Variants in STK40 observed in about 807,000 individuals in gnomAD.
STK40 encodes the protein serine/threonine kinase 40.
A neutral mutation model predicts 47.9 loss-of-function variants in STK40; 13 were observed. The ratio of observed to expected loss-of-function variants is 0.27; its 90% CI spans 0.18 to 0.43. The LOEUF is 0.43. Ranked by LOEUF, STK40 falls within the 20% of genes least tolerant of loss-of-function variation. The probability of loss-of-function intolerance (pLI) is 1.00; values close to 1 mark genes in which losing one functional copy is unlikely to be tolerated. For missense variants in STK40, 460 were observed against 595.1 expected, an observed-to-expected ratio of 0.77 and a Z score of 2.36; for synonymous variants, 225 against 243.2, an observed-to-expected ratio of 0.93 and a Z score of 0.69.
In STK40 at chr1:36,343,884, G is replaced by A. The variant is rs1204102843; in HGVS notation, c.980C>T (p.Ala327Val). The A allele has an allele frequency of 1.2e-6, 2 of 1,603,724 alleles. No individual in the cohort carries two copies. The highest frequency in any genetic ancestry group is 1.7e-6 in the Non-Finnish European group (2 of 1,172,562). Residue 327 changes from alanine to valine, a missense_variant, in exon 9 of 11, where the codon GCC becomes GTC. This residue lies in a region of STK40 where 181 missense variants were observed against 218.9 expected (regional missense o/e 0.83). Coordinates refer to ENST00000373132, the MANE Select transcript of STK40 (RefSeq NM_001282547.2). ...CCATGATGCAATGATGGCACTGAGG[G>A]CCTCCAGGACGTCGGCGGCGGCCAG... is the stretch of plus-strand genomic sequence containing the variant. ...QRLAAADVLE[A>V]LSAIIASWQS...
chr1:36,365,485 C>A (rs113410493), intron 1 of STK40, among the ~76,000 whole-genome samples: 23 of 152,362 alleles, frequency 1.5e-4, no homozygotes, highest in African/African-American at 5.5e-4. Context: ...CCCCAACAGT[C>A]CCCAGATGGA....
chr1:36,343,471 G>C, intron 9 of STK40, 23 bp from the exon 10 acceptor site: 1 of 1,606,064 alleles, frequency 6.2e-7, no homozygotes, highest in Non-Finnish European at 8.5e-7. Context: ...AGACAGGTCA[G>C]GCTGGCCCCA....
At chr1:36,370,440 GC>G (rs1646935543) in intron 1 of STK40, among the ~76,000 whole-genome samples, 3 of 152,184 alleles carry the variant, frequency 2.0e-5, no homozygotes, top group Admixed American at 1.3e-4. Flanking sequence ...CCAACCACTT[GC>G]GCTTCTCTGA....
At chr1:36,372,000 AAAAG>A (rs1288721815) in intron 1 of STK40, among the ~76,000 whole-genome samples, 3 of 152,186 alleles carry the variant, frequency 2.0e-5, no homozygotes, top group South Asian at 2.1e-4. Context: ...CCGTCTCAAA[AAAAG>A]AAAGAAAGAA....
chr1:36,359,647 C>T (rs984439974), intron 2 of STK40, among the ~76,000 whole-genome samples: 6 of 152,218 alleles, frequency 3.9e-5, no homozygotes, highest in African/African-American at 7.2e-5. Context: ...GCCACTGCTG[C>T]GTGAAAAACT....
chr1:36,351,991 A>T (rs1254654999), intron 6 of STK40, among the ~76,000 whole-genome samples: 1 of 152,212 alleles, frequency 6.6e-6, no homozygotes, highest in Non-Finnish European at 1.5e-5. Flanking sequence ...GTGAACAGTA[A>T]GCCTGTAGTC....
intron 4 of STK40, among the ~76,000 whole-genome samples, chr1:36,356,292 A>C (rs2124734958): frequency 6.6e-6 from 1 of 152,298 alleles, no homozygotes; most frequent in African/African-American, 2.4e-5. Flanking sequence ...AGGTATTTCG[A>C]GTAAGACAAA....
At chr1:36,363,259 G>A (rs1009983669) in intron 1 of STK40, among the ~76,000 whole-genome samples, 52 of 151,982 alleles carry the variant, frequency 3.4e-4, no homozygotes, top group Admixed American at 1.7e-3. Flanking sequence ...CTGAGATGGC[G>A]CCATTGTACT....
At chr1:36,377,629 G>A (rs907671918) in intron 1 of STK40, among the ~76,000 whole-genome samples, 3 of 151,920 alleles carry the variant, frequency 2.0e-5, no homozygotes, top group Non-Finnish European at 4.4e-5. Context: ...GGGAAGAGGT[G>A]TAAGCATAAG....
chr1:36,373,504 G>A (rs1437640926), intron 1 of STK40, among the ~76,000 whole-genome samples: 2 of 152,158 alleles, frequency 1.3e-5, no homozygotes, highest in Non-Finnish European at 2.9e-5. Context: ...AGCCATCCCT[G>A]AAGAAGGCAT....
At chr1:36,342,063 C>A in intron 10 of STK40, 90 bp from the exon 11 acceptor site, 2 of 1,251,250 alleles carry the variant, frequency 1.6e-6, no homozygotes, top group Admixed American at 2.1e-5. Flanking sequence ...GTGCTGGCAG[C>A]CTGGCTCCTG....
In STK40 at chr1:36,364,029, T is replaced by C. The variant is rs1187530867; in HGVS notation, c.-8-2689A>G. On this transcript the variant is annotated intron_variant, in intron 1 of 10. Transcript: ENST00000373132. ...AGCCGGGTGTGGTGGTGGGCACCTG[T>C]AGTCCCAGCTACTCGGGAGGCTGAG... Among the ~76,000 whole-genome samples the C allele has an allele frequency of 4.0e-5, 6 of 151,052 alleles. No individual in the cohort carries two copies. In the South Asian group the frequency reaches 1.0e-3, roughly 26 times the overall value.
intron 3 of STK40, 109 bp from the exon 4 acceptor site, chr1:36,358,491 C>CACA: frequency 7.0e-7 from 1 of 1,419,106 alleles, no homozygotes; most frequent in Non-Finnish European, 9.5e-7. Context: ...CATTTGTGCA[C>CACA]AATGCACACA....
intron 1 of STK40, among the ~76,000 whole-genome samples, chr1:36,374,412 C>T (rs77415398): frequency 0.043 from 6,526 of 152,262 alleles, 458 homozygotes; most frequent in African/African-American, 0.15. Context: ...GGAAAAAATA[C>T]ATGGAGTTAG....
At chr1:36,364,996 T>C (rs1417913705) in intron 1 of STK40, among the ~76,000 whole-genome samples, 1 of 149,104 alleles carries the variant, frequency 6.7e-6, no homozygotes, top group African/African-American at 2.5e-5. Flanking sequence ...TTCTTTTTTT[T>C]TTTTTTTTTT....
chr1:36,351,521 G>C (rs928387983), intron 6 of STK40, among the ~76,000 whole-genome samples: 1 of 152,164 alleles, frequency 6.6e-6, no homozygotes, highest in Non-Finnish European at 1.5e-5. Flanking sequence ...TGCCACTCTG[G>C]AGCGCCCATG....
chr1:36,384,512 T>C (rs1367285499), intron 1 of STK40, among the ~76,000 whole-genome samples: 2 of 152,350 alleles, frequency 1.3e-5, no homozygotes, highest in East Asian at 1.9e-4. Context: ...TCTGTTATCA[T>C]CCTTGTTTTA....
intron 1 of STK40, among the ~76,000 whole-genome samples, chr1:36,384,649 G>A (rs1177739574): frequency 6.6e-6 from 1 of 152,238 alleles, no homozygotes; most frequent in Non-Finnish European, 1.5e-5. Flanking sequence ...CCACTATGCT[G>A]TCTAGCACTT....
chr1:36,345,808 G>C (rs947158272), intron 7 of STK40, among the ~76,000 whole-genome samples: 3 of 151,198 alleles, frequency 2.0e-5, no homozygotes, highest in Non-Finnish European at 4.4e-5. Context: ...CCGAGCCTCT[G>C]TCCTGACCTG....
Sources: allele counts gnomAD v4.1 joint callset (sites outside exome capture counted in the v4.1 genomes callset), GRCh38; gene constraint gnomAD v4.1.1; regional missense constraint gnomAD v4.1.1; transcripts MANE v1.5; gene names NCBI Gene and HGNC (gene_info 2026-07-23, HGNC 2026-07-21).